AXIN1: variants seen among roughly 807,000 people sequenced by gnomAD.
AXIN1 encodes axin 1.
A neutral mutation model predicts 76.4 loss-of-function variants in AXIN1; 30 were observed. That is an observed-to-expected ratio of 0.39 (90% CI 0.29 to 0.53). AXIN1 has a LOEUF of 0.53. AXIN1 is among the 20% of genes least tolerant of loss of function. AXIN1 has a pLI of 0.66. For synonymous variants in AXIN1, 545 were observed against 501.4 expected (o/e 1.09, Z -1.16); for missense variants, 1,140 against 1,198.8 (o/e 0.95, Z 0.72).
intron 1 of AXIN1, 67 bp downstream of exon 1, chr16:352,302 C>A: frequency 2.2e-6 from 2 of 927,736 alleles, no homozygotes; most frequent in Non-Finnish European, 2.6e-6. Context: ...GCGCCCCCCG[C>A]CGCTTCCGGG....
intron 2 of AXIN1, among the ~76,000 whole-genome samples, chr16:335,864 A>C (rs1376644177): frequency 6.6e-6 from 1 of 152,242 alleles, no homozygotes; most frequent in Non-Finnish European, 1.5e-5. Context: ...GGGAAGATTT[A>C]AGTTGGAAAG....
At chr16:332,865 G>A (rs1011609816) in intron 2 of AXIN1, among the ~76,000 whole-genome samples, 1 of 152,200 alleles carries the variant, frequency 6.6e-6, no homozygotes, top group African/African-American at 2.4e-5. Flanking sequence ...TGGTAAAGAT[G>A]GAGAGAAGGA....
rs185081405 is a variant in AXIN1 at position 313,127 on chromosome 16, C to T, written c.1019+1416G>A. Among the ~76,000 whole-genome samples the T allele has an allele frequency of 1.5e-4, 23 of 152,280 alleles. No homozygotes were observed. The East Asian group carries it at 4.2e-3, about 28-fold the overall frequency. On this transcript the variant is annotated intron_variant, in intron 3 of 10. Transcript: ENST00000262320. ...CGGAGTTCGAGACTGCATAGTGAGG[C>T]CTCGTCTCCACAAAAATTATAATAA...
intron 2 of AXIN1, among the ~76,000 whole-genome samples, chr16:323,267 G>A (rs1473308041): frequency 2.7e-5 from 4 of 149,596 alleles, no homozygotes; most frequent in Non-Finnish European, 4.5e-5. Flanking sequence ...GTGAAACCCC[G>A]TCTCTACTAA....
At chr16:303,735 T>C (rs954033338) in intron 5 of AXIN1, among the ~76,000 whole-genome samples, 1 of 152,166 alleles carries the variant, frequency 6.6e-6, no homozygotes, top group Admixed American at 6.5e-5. Context: ...ACCCTTCGAA[T>C]TGTCTGTGAG....
chr16:305,239 GAGC>G (rs1285431357), intron 4 of AXIN1, among the ~76,000 whole-genome samples: 1 of 152,200 alleles, frequency 6.6e-6, no homozygotes, highest in Non-Finnish European at 1.5e-5. Context: ...AAGCAGAGGC[GAGC>G]AGATTACTTG....
intron 1 of AXIN1, among the ~76,000 whole-genome samples, chr16:348,624 A>T (rs1297574161): frequency 6.6e-6 from 1 of 152,092 alleles, no homozygotes; most frequent in African/African-American, 2.4e-5. Flanking sequence ...ACATAGTGAG[A>T]CCCAATCTCT....
chr16:333,707 A>G (rs1036637780), intron 2 of AXIN1, among the ~76,000 whole-genome samples: 6 of 151,956 alleles, frequency 3.9e-5, no homozygotes, highest in Non-Finnish European at 8.8e-5. Flanking sequence ...GGGGGGTGCC[A>G]CCCAACCTAA....
Position 346,043 on chromosome 16 carries a change from G to A in AXIN1, c.878+105C>T, listed in dbSNP as rs926430372. ...CAAAATTCAACCCCAGCGGCAGCAG[G>A]ACATCCGGTGTGGGTTAACGCCCGC... On this transcript the variant is annotated intron_variant, in intron 2 of 10. Transcript: ENST00000262320. The A allele has an allele frequency of 8.1e-6, 9 of 1,113,484 alleles. No individual in the cohort carries two copies. In the African/African-American group the frequency reaches 1.4e-4, roughly 17 times the overall value. 69.0% of individuals were successfully genotyped at this position (1,113,484 alleles called of 1,614,324 possible).
At chr16:331,610 T>C (rs1031765863) in intron 2 of AXIN1, among the ~76,000 whole-genome samples, 6 of 152,194 alleles carry the variant, frequency 3.9e-5, no homozygotes, top group East Asian at 3.8e-4. Flanking sequence ...TATCAGCGTA[T>C]AGAATGCACA....
chr16:352,527 G>C lies in AXIN1; in HGVS notation c.-240C>G. ...GGCTGCGGCTCGGCGGCCCGGAGGC[G>C]GACGCGGGGCAGGCCGCGGGGGCGC... On this transcript the variant is annotated 5_prime_UTR_variant, in exon 1 of 11. Transcript: ENST00000262320. 1.6e-6 allele frequency: 1 copy of C among 639,274 alleles called. No individual in the cohort carries two copies. The allele number at this position is 639,274 out of a possible 1,614,324, so 39.6% of individuals were successfully genotyped here.
At chr16:289,718 G>A in intron 9 of AXIN1, 111 bp from the exon 10 acceptor site, 1 of 1,377,194 alleles carries the variant, frequency 7.3e-7, no homozygotes, top group East Asian at 2.5e-5. Context: ...GCAGGGGTGA[G>A]CAGCACCCCA....
At chr16:288,400 AAC>A in intron 10 of AXIN1, 152 bp from the exon 11 acceptor site, 1 of 1,112,738 alleles carries the variant, frequency 9.0e-7, no homozygotes, top group Non-Finnish European at 1.3e-6. Flanking sequence ...CTCCCAGGGC[AAC>A]AGTGAACAGT....
At chr16:322,756 G>A (rs1416636318) in intron 2 of AXIN1, among the ~76,000 whole-genome samples, 1 of 152,240 alleles carries the variant, frequency 6.6e-6, no homozygotes, top group Non-Finnish European at 1.5e-5. Context: ...GCTGTGGGCG[G>A]TGGACGGATG....
intron 2 of AXIN1, among the ~76,000 whole-genome samples, chr16:342,703 G>A (rs34844528): frequency 0.093 from 14,084 of 152,236 alleles, 837 homozygotes; most frequent in South Asian, 0.22. Flanking sequence ...GAGCAACAGC[G>A]GGCCCATCCG....
At chr16:323,506 G>A (rs2053509394) in intron 2 of AXIN1, among the ~76,000 whole-genome samples, 1 of 151,450 alleles carries the variant, frequency 6.6e-6, no homozygotes, top group Non-Finnish European at 1.5e-5. Context: ...AACAGGCGGG[G>A]CACGGTGGCT....
chr16:320,499 G>GTA (rs1476045395), intron 2 of AXIN1, among the ~76,000 whole-genome samples: 1 of 152,046 alleles, frequency 6.6e-6, no homozygotes, highest in Non-Finnish European at 1.5e-5. Context: ...CGCTGTGATG[G>GTA]TTTCATGGAG....
chr16:305,110 G>A (rs561400889), intron 4 of AXIN1, among the ~76,000 whole-genome samples: 52 of 152,364 alleles, frequency 3.4e-4, no homozygotes, highest in Admixed American at 6.5e-4. Context: ...GAGGCCCCAC[G>A]GCAGGGAAGG....
chr16:290,056 G>A (rs759743173), intron 9 of AXIN1: 13 of 258,970 alleles, frequency 5.0e-5, no homozygotes, highest in African/African-American at 1.3e-4. Flanking sequence ...GGACTGGGGC[G>A]GGGGTGGCCA....
Sources: allele counts gnomAD v4.1 joint callset (sites outside exome capture counted in the v4.1 genomes callset), GRCh38; gene constraint gnomAD v4.1.1; transcripts MANE v1.5; gene names NCBI Gene and HGNC (gene_info 2026-07-23, HGNC 2026-07-21).